The following TENM2 variants were observed in gnomAD, a reference collection of about 807,000 sequenced individuals.
TENM2 encodes teneurin transmembrane protein 2, also known as teneurin-2.
Under a neutral mutation model 245.2 loss-of-function variants are expected in TENM2, and 52 were observed. That is an observed-to-expected ratio of 0.21 (90% CI 0.17 to 0.27). The LOEUF (loss-of-function observed/expected upper bound fraction) is 0.27, where lower values mean the gene tolerates loss of function less well. Ranked by LOEUF, TENM2 falls within the 10% of genes least tolerant of loss-of-function variation. The pLI, the probability that TENM2 is intolerant of heterozygous loss-of-function variation, is 1.00. For synonymous variants in TENM2, 1,363 were observed against 1,438.9 expected (o/e 0.95, Z 1.19); for missense variants, 3,046 against 3,666.8 (o/e 0.83, Z 4.37).
intron 2 of TENM2, among the ~76,000 whole-genome samples, chr5:167,444,029 T>G (rs1039822887): frequency 1.3e-5 from 2 of 152,094 alleles, no homozygotes; most frequent in Non-Finnish European, 2.9e-5. Context: ...CACATAAATG[T>G]TTAATAATTA....
the TENM2 span, among the ~76,000 whole-genome samples, chr5:167,220,571 A>T: frequency 1.3e-5 from 2 of 152,160 alleles, no homozygotes; most frequent in Admixed American, 6.5e-5. Flanking sequence ...TGCAAGGGGC[A>T]CCTATGTTCT....
At chr5:168,241,839 G>A (rs756841520) in intron 25 of TENM2, among the ~76,000 whole-genome samples, 6 of 152,120 alleles carry the variant, frequency 3.9e-5, no homozygotes, top group South Asian at 2.1e-4. Context: ...TGTTTCCACC[G>A]CTAGTAACAG....
intron 2 of TENM2, among the ~76,000 whole-genome samples, chr5:167,703,121 T>A (rs1582794995): frequency 6.6e-6 from 1 of 152,228 alleles, no homozygotes; most frequent in Non-Finnish European, 1.5e-5. Flanking sequence ...TTAGTCTTTC[T>A]TCTCATGGTA....
At chr5:167,629,509 T>A (rs1201609109) in intron 2 of TENM2, among the ~76,000 whole-genome samples, 1 of 152,208 alleles carries the variant, frequency 6.6e-6, no homozygotes, top group Admixed American at 6.5e-5. Context: ...TATTTTTATA[T>A]CACTGTCTCT....
At chr5:167,714,327 G>T (rs753444300) in intron 2 of TENM2, among the ~76,000 whole-genome samples, 1 of 152,246 alleles carries the variant, frequency 6.6e-6, no homozygotes, top group Non-Finnish European at 1.5e-5. Flanking sequence ...GCAAGAAGTC[G>T]CATGGATTGG....
rs535466270 is a variant in TENM2 at position 167,697,956 on chromosome 5, C to T, written c.503-178030C>T. Reference sequence around the variant, plus strand: ...AGTCATCGGGAACTTGAAATATAATCGCCTGACAAGGTATCCCTCTAAGTG... The same window carrying T: ...AGTCATCGGGAACTTGAAATATAATTGCCTGACAAGGTATCCCTCTAAGTG... On this transcript the variant is annotated intron_variant, in intron 2 of 28. Coordinates refer to ENST00000518659, the Ensembl canonical transcript of TENM2. Among the ~76,000 whole-genome samples the T allele has an allele frequency of 2.6e-5, 4 of 152,308 alleles. No individual in the cohort carries two copies. The East Asian group carries it at 5.8e-4, about 22-fold the overall frequency.
chr5:168,224,855 G>A (rs527304714), intron 23 of TENM2, among the ~76,000 whole-genome samples: 13 of 152,244 alleles, frequency 8.5e-5, no homozygotes, highest in Admixed American at 3.3e-4. Flanking sequence ...GCCTGGAAAC[G>A]AGCCTGCTTT....
the TENM2 span, among the ~76,000 whole-genome samples, chr5:167,161,722 A>G: frequency 2.6e-5 from 4 of 152,208 alleles, no homozygotes; most frequent in African/African-American, 9.6e-5. Context: ...TCACACCTTA[A>G]TCTTGTTAAA....
At chr5:168,020,113 A>G (rs1413228462) in intron 5 of TENM2, among the ~76,000 whole-genome samples, 2 of 152,222 alleles carry the variant, frequency 1.3e-5, no homozygotes, top group Non-Finnish European at 2.9e-5. Context: ...TACAATCAGC[A>G]TCAAATTGGG....
At chr5:167,125,468 G>T in the TENM2 span, among the ~76,000 whole-genome samples, 1 of 152,178 alleles carries the variant, frequency 6.6e-6, no homozygotes, top group East Asian at 1.9e-4. Context: ...TTATGTAGGT[G>T]CCAAGAGGAG....
intron 2 of TENM2, among the ~76,000 whole-genome samples, chr5:167,532,711 T>C (rs988297587): frequency 1.4e-5 from 2 of 138,122 alleles, no homozygotes; most frequent in African/African-American, 6.7e-5. Context: ...CATATCTATA[T>C]ATGTATATAT....
intron 2 of TENM2, among the ~76,000 whole-genome samples, chr5:167,381,388 T>C (rs182025983): frequency 6.6e-6 from 1 of 152,292 alleles, no homozygotes; most frequent in African/African-American, 2.4e-5. Context: ...CTAAGTGGCT[T>C]ATGGGATATT....
At chr5:167,500,215 C>T (rs576224389) in intron 2 of TENM2, among the ~76,000 whole-genome samples, 45 of 152,090 alleles carry the variant, frequency 3.0e-4, no homozygotes, top group Non-Finnish European at 5.9e-4. Flanking sequence ...TGAGAGCAGA[C>T]GTGGCAGAGT....
intron 2 of TENM2, among the ~76,000 whole-genome samples, chr5:167,460,514 T>C (rs569667668): frequency 6.6e-6 from 1 of 152,300 alleles, no homozygotes; most frequent in East Asian, 1.9e-4. Context: ...AAGACGTAAG[T>C]TCATCTCTCT....
At chr5:167,341,055 C>T (rs1048970488) in intron 1 of TENM2, among the ~76,000 whole-genome samples, 4 of 152,164 alleles carry the variant, frequency 2.6e-5, no homozygotes, top group African/African-American at 9.6e-5. Flanking sequence ...CCTACAGATT[C>T]GCATTCGATG....
rs1760821546 is a variant in TENM2, at chr5:167,736,668, A to G, written c.503-139318A>G. 2.0e-5 allele frequency among the ~76,000 whole-genome samples: 3 copies of G among 147,034 alleles called. No individual in the cohort carries two copies. The South Asian group carries it at 6.6e-4, about 33-fold the overall frequency. ...TAGCAGCCAGTCACCTAGGACCTCC[A>G]CAGAAGCCCTGGCTCAGGAAAAAAA... On this transcript the variant is annotated intron_variant, in intron 2 of 28. Transcript: ENST00000518659.
intron 1 of TENM2, among the ~76,000 whole-genome samples, chr5:167,337,930 T>C (rs1002059810): frequency 1.3e-5 from 2 of 152,176 alleles, no homozygotes; most frequent in African/African-American, 2.4e-5. Flanking sequence ...TACTTTGCAA[T>C]AGTGTTAAAC....
intron 2 of TENM2, among the ~76,000 whole-genome samples, chr5:167,554,967 A>T (rs965944690): frequency 3.3e-5 from 5 of 151,806 alleles, no homozygotes; most frequent in African/African-American, 9.7e-5. Flanking sequence ...TTATAAATTA[A>T]TTTTTTTTCA....
intron 2 of TENM2, among the ~76,000 whole-genome samples, chr5:167,686,095 A>G (rs977610765): frequency 6.6e-6 from 1 of 152,220 alleles, no homozygotes; most frequent in Non-Finnish European, 1.5e-5. Flanking sequence ...CTAGTGTCTG[A>G]CACATAATAA....
Sources: allele counts gnomAD v4.1 joint callset (sites outside exome capture counted in the v4.1 genomes callset), GRCh38; gene constraint gnomAD v4.1.1; transcripts MANE v1.5; gene names NCBI Gene and HGNC (gene_info 2026-07-23, HGNC 2026-07-21).